The following CNTNAP5 variants were observed in gnomAD, a reference collection of about 807,000 sequenced individuals.
The protein encoded by CNTNAP5 is contactin associated protein family member 5, also known as contactin-associated protein-like 5.
A neutral mutation model predicts 150.2 loss-of-function variants in CNTNAP5; 72 were observed. The observed-to-expected ratio is 0.48, with a 90% CI of 0.40 to 0.58. The LOEUF is 0.58. CNTNAP5 is among the 20% of genes least tolerant of loss of function. The pLI, the probability that CNTNAP5 is intolerant of heterozygous loss-of-function variation, is 0.00. For missense variants in CNTNAP5, 1,636 were observed against 1,626.2 expected (o/e 1.01, Z -0.10); for synonymous variants, 672 against 619.8 (o/e 1.08, Z -1.25).
chr2:124,595,371 C>CTTT (rs1244787009), intron 11 of CNTNAP5, among the ~76,000 whole-genome samples: 1 of 98,936 alleles, frequency 1.0e-5, no homozygotes, highest in Non-Finnish European at 2.1e-5. Context: ...TTGTCAAAGG[C>CTTT]TTTTTCTGCA....
At chr2:124,465,206 T>C (rs1233960526) in intron 6 of CNTNAP5, among the ~76,000 whole-genome samples, 1 of 152,198 alleles carries the variant, frequency 6.6e-6, no homozygotes, top group Admixed American at 6.6e-5. Flanking sequence ...TGGGACCTCA[T>C]GCATTTAACA....
chr2:124,040,485 C>G (rs1015814959), intron 1 of CNTNAP5, among the ~76,000 whole-genome samples: 2 of 152,010 alleles, frequency 1.3e-5, no homozygotes, highest in Non-Finnish European at 2.9e-5. Context: ...ATTGATTCGT[C>G]GTTTTCAGAT....
At chr2:124,867,916 C>T (rs1677665603) in intron 20 of CNTNAP5, among the ~76,000 whole-genome samples, 1 of 152,188 alleles carries the variant, frequency 6.6e-6, no homozygotes, top group African/African-American at 2.4e-5. Context: ...AGGAAGTTCT[C>T]CTGAAACAAT....
At chr2:124,512,757 A>G (rs1000419693) in intron 8 of CNTNAP5, among the ~76,000 whole-genome samples, 3 of 152,160 alleles carry the variant, frequency 2.0e-5, no homozygotes, top group Non-Finnish European at 4.4e-5. Context: ...CATTTAAGCC[A>G]TCCTTTTTAT....
intron 1 of CNTNAP5, among the ~76,000 whole-genome samples, chr2:124,145,822 A>AT (rs1684231194): frequency 1.9e-4 from 1 of 5,138 alleles, no homozygotes; most frequent in South Asian, 0.014. Flanking sequence ...TAAAAAAAAA[A>AT]AAAAAAGAAG....
intron 1 of CNTNAP5, among the ~76,000 whole-genome samples, chr2:124,050,325 G>A (rs1343794129): frequency 6.6e-6 from 1 of 151,996 alleles, no homozygotes; most frequent in Non-Finnish European, 1.5e-5. Context: ...TTAGCTGGGT[G>A]TGGTGGTACG....
intron 17 of CNTNAP5, among the ~76,000 whole-genome samples, chr2:124,783,545 T>C (rs1681499013): frequency 6.6e-6 from 1 of 152,188 alleles, no homozygotes; most frequent in African/African-American, 2.4e-5. Flanking sequence ...TTGATATGGA[T>C]TGATGAATTA....
intron 16 of CNTNAP5, among the ~76,000 whole-genome samples, chr2:124,770,556 G>A (rs1468299458): frequency 6.6e-6 from 1 of 152,138 alleles, no homozygotes; most frequent in African/African-American, 2.4e-5. Context: ...TAAATGTGGG[G>A]TCCAGTCATC....
At chr2:124,132,534 C>T (rs933033774) in intron 1 of CNTNAP5, among the ~76,000 whole-genome samples, 1 of 152,128 alleles carries the variant, frequency 6.6e-6, no homozygotes, top group Non-Finnish European at 1.5e-5. Flanking sequence ...TCAACTTCAT[C>T]CCATTTTACA....
At chr2:124,811,706 C>G (rs867962806) in intron 19 of CNTNAP5, among the ~76,000 whole-genome samples, 83 of 136,578 alleles carry the variant, frequency 6.1e-4, no homozygotes, top group African/African-American at 1.3e-3. Flanking sequence ...CTTTAGGAGG[C>G]GGGGGGGGTG....
intron 14 of CNTNAP5, among the ~76,000 whole-genome samples, chr2:124,753,152 A>C (rs1680767372): frequency 6.6e-6 from 1 of 152,198 alleles, no homozygotes; most frequent in South Asian, 2.1e-4. Context: ...AAAAATAGGA[A>C]GAGAAAATGA....
chr2:124,332,471 G>C (rs1182015161), intron 3 of CNTNAP5, among the ~76,000 whole-genome samples: 2 of 151,114 alleles, frequency 1.3e-5, no homozygotes, highest in African/African-American at 4.8e-5. Context: ...TTTCAATGTG[G>C]AATAGTACAT....
chr2:124,653,312 C>T (rs1573524762), intron 13 of CNTNAP5, among the ~76,000 whole-genome samples: 1 of 151,976 alleles, frequency 6.6e-6, no homozygotes, highest in Admixed American at 6.6e-5. Flanking sequence ...AGTGAGCATA[C>T]AGCTAACTGA....
Position 124,780,568 on chromosome 2 carries a change from A to T in CNTNAP5, c.2752+7551A>T, listed in dbSNP as rs561014435. On this transcript the variant is annotated intron_variant, in intron 17 of 23. Transcript: ENST00000682447. ...GATTTCAAAACCACATTTTCAAATTACTATATGGTTCACATACGCCTGCTT... is the reference window on the plus strand; with the variant it reads ...GATTTCAAAACCACATTTTCAAATTTCTATATGGTTCACATACGCCTGCTT... 3.3e-5 allele frequency among the ~76,000 whole-genome samples: 5 copies of T among 152,348 alleles called. No homozygotes were observed. The South Asian group carries it at 1.0e-3, about 32-fold the overall frequency.
intron 12 of CNTNAP5, among the ~76,000 whole-genome samples, chr2:124,624,159 CT>C (rs751305688): frequency 5.3e-5 from 8 of 152,154 alleles, no homozygotes; most frequent in Non-Finnish European, 1.2e-4. Flanking sequence ...TAATCTCCTG[CT>C]AAATTGGGCC....
rs144207939 is a variant in CNTNAP5 at position 124,099,442 on chromosome 2, C to T, written c.82+73710C>T. Among the ~76,000 whole-genome samples the T allele has an allele frequency of 1.0e-3, 159 of 152,288 alleles. 1 individual carries two copies. The highest frequency in any genetic ancestry group is 3.5e-3 in the African/African-American group (146 of 41,564). On this transcript the variant is annotated intron_variant, in intron 1 of 23. Transcript: ENST00000682447. The stretch of plus-strand genomic sequence containing the variant: ...GCAAAATCTGTCATATTCACCTGTA[C>T]CCTATTGTCCAGCACAGCACCTGCA...
chr2:124,510,358 C>CACACAA (rs1694546594), intron 8 of CNTNAP5, among the ~76,000 whole-genome samples: 1 of 53,012 alleles, frequency 1.9e-5, no homozygotes, highest in South Asian at 6.0e-4. Flanking sequence ...AACACACACA[C>CACACAA]ACACACACAC....
chr2:124,772,601 G>A (rs1681227905), intron 16 of CNTNAP5, among the ~76,000 whole-genome samples, 198 bp from the exon 17 acceptor site: 1 of 152,072 alleles, frequency 6.6e-6, no homozygotes, highest in South Asian at 2.1e-4. Flanking sequence ...AACGTAGCAG[G>A]AAAAAAACAA....
At chr2:124,646,247 G>C (rs549455900) in intron 12 of CNTNAP5, among the ~76,000 whole-genome samples, 3 of 152,322 alleles carry the variant, frequency 2.0e-5, no homozygotes, top group African/African-American at 7.2e-5. Context: ...TAGTGAGGGA[G>C]AAAGGATTAA....
Sources: gnomAD v4.1 joint callset for allele counts (sites outside exome capture counted in the v4.1 genomes callset) on GRCh38, gnomAD v4.1.1 for gene constraint, MANE v1.5 for transcripts, NCBI Gene and HGNC (gene_info 2026-07-23, HGNC 2026-07-21) for gene names.